ZCCHC7: variants seen among roughly 807,000 people sequenced by gnomAD.
ZCCHC7 encodes zinc finger CCHC domain-containing protein 7.
ZCCHC7 carries 35 observed loss-of-function variants against 52.0 expected under a neutral mutation model. The ratio of observed to expected loss-of-function variants is 0.67; its 90% CI spans 0.51 to 0.89. The LOEUF is 0.89. Ranked by LOEUF, ZCCHC7 falls within the 40% of genes least tolerant of loss-of-function variation. The pLI is 0.00. For missense variants in ZCCHC7, 574 were observed against 649.1 expected (o/e 0.88, Z 1.26); for synonymous variants, 217 against 221.5 (o/e 0.98, Z 0.18).
intron 6 of ZCCHC7, among the ~76,000 whole-genome samples, chr9:37,348,142 A>G (rs549529028): frequency 1.3e-5 from 2 of 152,288 alleles, no homozygotes; most frequent in African/African-American, 2.4e-5. Flanking sequence ...CTGTCTCTAC[A>G]TAGAAACTGC....
At chr9:37,250,300 C>CTTTTTT (rs1220457810) in intron 2 of ZCCHC7, among the ~76,000 whole-genome samples, 4 of 132,458 alleles carry the variant, frequency 3.0e-5, no homozygotes, top group Non-Finnish European at 4.8e-5. Flanking sequence ...CTTTCTCTCT[C>CTTTTTT]TTTTTTTTTT....
At chr9:37,334,737 A>C (rs1355424469) in intron 6 of ZCCHC7, among the ~76,000 whole-genome samples, 1 of 152,026 alleles carries the variant, frequency 6.6e-6, no homozygotes, top group Non-Finnish European at 1.5e-5. Flanking sequence ...TGATCCTCCA[A>C]GACCAACAAC....
At chr9:37,311,599 G>T (rs1442217421) in intron 5 of ZCCHC7, among the ~76,000 whole-genome samples, 1 of 152,088 alleles carries the variant, frequency 6.6e-6, no homozygotes, top group South Asian at 2.1e-4. Context: ...TAGTAGAGGT[G>T]TGGTTTCACT....
intron 2 of ZCCHC7, among the ~76,000 whole-genome samples, chr9:37,274,337 T>TC (rs1231583876): frequency 7.4e-6 from 1 of 134,328 alleles, no homozygotes; most frequent in Non-Finnish European, 1.6e-5. Context: ...ATTTCTTTTT[T>TC]TTTTTTTTTT....
intron 2 of ZCCHC7, among the ~76,000 whole-genome samples, chr9:37,146,925 G>A (rs943033799): frequency 2.6e-5 from 4 of 151,596 alleles, no homozygotes; most frequent in Admixed American, 6.6e-5. Flanking sequence ...AAAAACATAG[G>A]GAATAACATC....
intron 2 of ZCCHC7, among the ~76,000 whole-genome samples, chr9:37,214,264 C>G (rs1168362167): frequency 2.0e-5 from 3 of 152,068 alleles, no homozygotes; most frequent in Non-Finnish European, 4.4e-5. Flanking sequence ...CTGAGCCATG[C>G]TGCATTAAGT....
At chr9:37,269,633 AAAAAAAAAAAAAAC>A (rs1248077514) in intron 2 of ZCCHC7, among the ~76,000 whole-genome samples, 1 of 149,074 alleles carries the variant, frequency 6.7e-6, no homozygotes, top group South Asian at 2.1e-4. Flanking sequence ...AAAAAAAAAA[AAAAAAAAAAAAAAC>A]AAAAGAAGTT....
chr9:37,265,327 A>C lies in ZCCHC7; in HGVS notation c.611-36861A>C, dbSNP rs189627016. Among the ~76,000 whole-genome samples, 3 of 152,114 alleles carry C rather than the reference A, an allele frequency of 2.0e-5. No individual in the cohort carries two copies. The East Asian group carries it at 5.8e-4, about 29-fold the overall frequency. On this transcript the variant is annotated intron_variant, in intron 2 of 8. Coordinates refer to ENST00000336755, the MANE Select transcript of ZCCHC7 (RefSeq NM_032226.3). ...GGATGAAAGGTATTCTTTACTTCCT[A>C]GGATCCTAGGATTCCTAGTAAAGGG...
chr9:37,129,924 C>T (rs1292552127), intron 2 of ZCCHC7, among the ~76,000 whole-genome samples: 2 of 152,128 alleles, frequency 1.3e-5, no homozygotes, highest in Admixed American at 6.5e-5. Context: ...AGGTAGTACT[C>T]GTGACTTACA....
intron 2 of ZCCHC7, among the ~76,000 whole-genome samples, chr9:37,287,386 A>T (rs1359714735): frequency 6.6e-6 from 1 of 152,134 alleles, no homozygotes; most frequent in Non-Finnish European, 1.5e-5. Flanking sequence ...ATAAAGTTGT[A>T]TGTAATAATT....
At chr9:37,178,715 A>G (rs1564161027) in intron 2 of ZCCHC7, among the ~76,000 whole-genome samples, 1 of 152,258 alleles carries the variant, frequency 6.6e-6, no homozygotes, top group Non-Finnish European at 1.5e-5. Flanking sequence ...GATATTAAAC[A>G]GTGAAAGTAA....
At chr9:37,133,629 C>T (rs758691563) in intron 2 of ZCCHC7, among the ~76,000 whole-genome samples, 1 of 152,080 alleles carries the variant, frequency 6.6e-6, no homozygotes, top group Non-Finnish European at 1.5e-5. Flanking sequence ...CGCTGTGTCA[C>T]CCAGCCTGGA....
At chr9:37,242,777 A>C (rs553273922) in intron 2 of ZCCHC7, among the ~76,000 whole-genome samples, 1 of 151,842 alleles carries the variant, frequency 6.6e-6, no homozygotes, top group African/African-American at 2.4e-5. Flanking sequence ...TTACATTTAC[A>C]TATTTTATCT....
At chr9:37,127,070 G>C (rs1842572773) in intron 2 of ZCCHC7, 128 bp downstream of exon 2, 6 of 1,163,132 alleles carry the variant, frequency 5.2e-6, no homozygotes, top group Non-Finnish European at 6.0e-6. Context: ...TTTTTGGTTT[G>C]TTTCTCATGC....
chr9:37,317,850 C>G (rs1349142032), intron 5 of ZCCHC7, among the ~76,000 whole-genome samples: 1 of 151,098 alleles, frequency 6.6e-6, no homozygotes, highest in Non-Finnish European at 1.5e-5. Context: ...CCGACCCCCC[C>G]CAAAAAAGCC....
chr9:37,273,200 G>A (rs1315133761), intron 2 of ZCCHC7, among the ~76,000 whole-genome samples: 1 of 152,042 alleles, frequency 6.6e-6, no homozygotes, highest in Non-Finnish European at 1.5e-5. Context: ...TTACTACATG[G>A]CCCTTTAAGA....
At chr9:37,345,566 A>G (rs1387481592) in intron 6 of ZCCHC7, among the ~76,000 whole-genome samples, 1 of 152,110 alleles carries the variant, frequency 6.6e-6, no homozygotes. Flanking sequence ...CTAAAAATAC[A>G]AAAATTAGCC....
chr9:37,150,606 A>T (rs1318923966), intron 2 of ZCCHC7, among the ~76,000 whole-genome samples: 1 of 152,194 alleles, frequency 6.6e-6, no homozygotes. Flanking sequence ...TTTGCATCAC[A>T]CATTAAAATA....
At chr9:37,126,192 T>A in intron 1 of ZCCHC7, 120 bp from the exon 2 acceptor site, 1 of 1,013,330 alleles carries the variant, frequency 9.9e-7, no homozygotes, top group Middle Eastern at 2.5e-4. Flanking sequence ...TATTTTAATA[T>A]GTCTGAGAAT....
Sources: gnomAD v4.1 joint callset for allele counts (sites outside exome capture counted in the v4.1 genomes callset) on GRCh38, gnomAD v4.1.1 for gene constraint, MANE v1.5 for transcripts, NCBI Gene and HGNC (gene_info 2026-07-23, HGNC 2026-07-21) for gene names.